Variants in PRSS3 observed in about 807,000 individuals in gnomAD.
PRSS3 encodes trypsin-3.
Under a neutral mutation model 20.8 loss-of-function variants are expected in PRSS3, and 14 were observed. That is an observed-to-expected ratio of 0.67 (90% CI 0.44 to 1.05). The LOEUF (loss-of-function observed/expected upper bound fraction) is 1.05, where lower values mean the gene tolerates loss of function less well. PRSS3 is among the 50% of genes least tolerant of loss of function. The probability of loss-of-function intolerance (pLI) is 0.00; values close to 1 mark genes in which losing one functional copy is unlikely to be tolerated. For missense variants in PRSS3, 237 were observed against 306.4 expected (o/e 0.77, Z 1.69); for synonymous variants, 91 against 117.6 (o/e 0.77, Z 1.46).
chr9:33,798,416 C>CAGATTATTGT (rs1825130864), intron 3 of PRSS3, 70 bp from the exon 4 acceptor site: 1 of 1,356,310 alleles, frequency 7.4e-7, no homozygotes, highest in Non-Finnish European at 1.0e-6. Flanking sequence ...TGTTCCATCC[C>CAGATTATTGT]AGATTATTGT....
chr9:33,775,815 G>A (rs1208731308), intron 1 of PRSS3, among the ~76,000 whole-genome samples: 1 of 149,530 alleles, frequency 6.7e-6, no homozygotes, highest in Non-Finnish European at 1.5e-5. Context: ...TGATTCTCCT[G>A]CCTCAGCCTC....
At chr9:33,790,087 T>TTCCTCAAGAATAAGTATGACCCG (rs1824566468) in intron 1 of PRSS3, among the ~76,000 whole-genome samples, 1 of 152,226 alleles carries the variant, frequency 6.6e-6, no homozygotes, top group Non-Finnish European at 1.5e-5. Flanking sequence ...TAGCAATTCC[T>TTCCTCAAGAATAAGTATGACCCG]TCCTCAAGAA....
At chr9:33,794,729 C>T, upstream of PRSS3, 1 of 1,536,620 alleles carries the variant, frequency 6.5e-7, no homozygotes, top group Non-Finnish European at 8.8e-7. Flanking sequence ...AGTCAGTTTG[C>T]ATCACCCTAA....
intron 1 of PRSS3, among the ~76,000 whole-genome samples, chr9:33,771,629 GTT>G (rs1215528117): frequency 6.9e-5 from 8 of 115,192 alleles, no homozygotes; most frequent in African/African-American, 2.5e-4. Context: ...ACTGGGTTTT[GTT>G]TTTTTGTTTT....
chr9:33,783,440 A>G (rs1462970722), intron 1 of PRSS3, among the ~76,000 whole-genome samples: 1 of 152,204 alleles, frequency 6.6e-6, no homozygotes, highest in Non-Finnish European at 1.5e-5. Context: ...CAATGAATTA[A>G]AAAACTAGAT....
At chr9:33,794,782 C>G (rs535647985), upstream of PRSS3, 24 of 1,550,694 alleles carry the variant, frequency 1.5e-5, no homozygotes, top group African/African-American at 1.8e-4. Context: ...TAAAAAGAAC[C>G]TATGACAGGA....
At chr9:33,757,000 G>T (rs1337577) in intron 1 of PRSS3, among the ~76,000 whole-genome samples, 33,117 of 152,148 alleles carry the variant, frequency 0.22, 3,775 homozygotes, top group Middle Eastern at 0.24. Flanking sequence ...ATGGCTTATC[G>T]CCTGTCTCTA....
At chr9:33,775,533 T>C (rs1460460639) in intron 1 of PRSS3, among the ~76,000 whole-genome samples, 1 of 152,144 alleles carries the variant, frequency 6.6e-6, no homozygotes, top group African/African-American at 2.4e-5. Flanking sequence ...AGTATTGAAG[T>C]GAGCTCTTCA....
chr9:33,794,178 T>C (rs1413317912), upstream of PRSS3, among the ~76,000 whole-genome samples: 1 of 152,238 alleles, frequency 6.6e-6, no homozygotes, highest in Non-Finnish European at 1.5e-5. Flanking sequence ...ATGTCCGATC[T>C]CAACACGAAG....
chr9:33,774,723 C>T (rs1410548405), intron 1 of PRSS3, among the ~76,000 whole-genome samples: 2 of 152,228 alleles, frequency 1.3e-5, no homozygotes, highest in African/African-American at 2.4e-5. Context: ...CAGTGGCTCA[C>T]GCCTGTAATC....
intron 1 of PRSS3, among the ~76,000 whole-genome samples, chr9:33,796,094 A>T (rs1350813993): frequency 6.6e-6 from 1 of 152,172 alleles, no homozygotes; most frequent in Non-Finnish European, 1.5e-5. Flanking sequence ...GCATGCCGCC[A>T]AAGTTAAGAA....
At chr9:33,755,688 T>TG (rs1397379310) in intron 1 of PRSS3, among the ~76,000 whole-genome samples, 1 of 152,166 alleles carries the variant, frequency 6.6e-6, no homozygotes, top group Non-Finnish European at 1.5e-5. Flanking sequence ...CCCCATGGAA[T>TG]GGGGTGTAGG....
chr9:33,764,525 C>T (rs1418204879), intron 1 of PRSS3, among the ~76,000 whole-genome samples: 1 of 152,108 alleles, frequency 6.6e-6, no homozygotes, highest in Non-Finnish European at 1.5e-5. Flanking sequence ...GAGCAAAATT[C>T]AGTCTCAAAA....
intron 1 of PRSS3, among the ~76,000 whole-genome samples, chr9:33,768,796 C>T (rs1823559018): frequency 6.6e-6 from 1 of 151,630 alleles, no homozygotes; most frequent in South Asian, 2.1e-4. Context: ...GCAGAGGTTG[C>T]AGTGAGCCAA....
intron 1 of PRSS3, chr9:33,786,498 C>A (rs189345676): frequency 6.7e-6 from 5 of 745,202 alleles, no homozygotes; most frequent in Non-Finnish European, 1.2e-5. Flanking sequence ...CCAAGCTTGT[C>A]GGCCCTCATG....
At chr9:33,751,781 A>C (rs376088007) in intron 1 of PRSS3, among the ~76,000 whole-genome samples, 13 of 152,276 alleles carry the variant, frequency 8.5e-5, no homozygotes, top group African/African-American at 2.9e-4. Flanking sequence ...TTATATTTTC[A>C]GTATAACCTG....
At position 33,798,550 on chromosome 9, in the gene PRSS3, C is replaced by T; in HGVS notation, c.519C>T (p.Ala173=). ...TGCTGACCCAGGCTGAGTGTAAAGC[C>T]TCCTACCCTGGAAAGATTACCAACA... ...APVLTQAECK[A]SYPGKITNSM... Residue 173 remains alanine (A), a synonymous_variant, in exon 4 of 5, where the codon GCC becomes GCT. Coordinates refer to ENST00000379405, the MANE Select transcript of PRSS3 (RefSeq NM_002771.4). 1 of 1,614,180 alleles carries T rather than the reference C, an allele frequency of 6.2e-7. No individual in the cohort carries two copies. The highest frequency in any genetic ancestry group is 1.1e-5 in the South Asian group (1 of 91,080).
rs544696406 is a variant in PRSS3, at chr9:33,760,614, C to T, written c.-53+9887C>T. The stretch of plus-strand genomic sequence containing the variant: ...ACAAAAAATTAGCTGGGTGTGGTGG[C>T]GGGCGTCTATAGTCCCAGCTACTCG... On this transcript the variant is annotated intron_variant, in intron 1 of 5. Coordinates refer to the PRSS3 transcript ENST00000342836. Among the ~76,000 whole-genome samples the T allele has an allele frequency of 3.3e-5, 5 of 151,868 alleles. No individual in the cohort carries two copies. In the East Asian group the frequency reaches 7.8e-4, roughly 24 times the overall value.
chr9:33,762,464 C>G (rs1823249092), intron 1 of PRSS3, among the ~76,000 whole-genome samples: 1 of 152,168 alleles, frequency 6.6e-6, no homozygotes, highest in South Asian at 2.1e-4. Flanking sequence ...GAACCCTCTG[C>G]ATCCCCTGCA....
Sources: allele counts gnomAD v4.1 joint callset (sites outside exome capture counted in the v4.1 genomes callset), GRCh38; gene constraint gnomAD v4.1.1; transcripts MANE v1.5; gene names NCBI Gene and HGNC (gene_info 2026-07-23, HGNC 2026-07-21).